HELZ: variants seen among roughly 807,000 people sequenced by gnomAD.
HELZ encodes the protein helicase with zinc finger.
HELZ carries 23 observed loss-of-function variants against 218.2 expected under a neutral mutation model. The ratio of observed to expected loss-of-function variants is 0.11; its 90% CI spans 0.08 to 0.15. The LOEUF is 0.15. Ranked by LOEUF, HELZ falls within the 10% of genes least tolerant of loss-of-function variation. HELZ has a pLI of 1.00. For synonymous variants in HELZ, 814 were observed against 829.4 expected, an observed-to-expected ratio of 0.98 and a Z score of 0.32; for missense variants, 1,813 against 2,353.7, an observed-to-expected ratio of 0.77 and a Z score of 4.75.
At chr17:67,103,428 T>C (rs1598221334) in intron 31 of HELZ, among the ~76,000 whole-genome samples, 1 of 152,150 alleles carries the variant, frequency 6.6e-6, no homozygotes. Flanking sequence ...CAATATATCA[T>C]CATGTGGTTA....
intron 13 of HELZ, 76 bp downstream of exon 13, chr17:67,178,583 C>A: frequency 8.1e-7 from 1 of 1,231,910 alleles, no homozygotes; most frequent in Non-Finnish European, 1.1e-6. Flanking sequence ...CACTTAGGCA[C>A]ACTTTCATTT....
chr17:67,174,108 A>C (rs771451055), intron 13 of HELZ, among the ~76,000 whole-genome samples: 1 of 152,144 alleles, frequency 6.6e-6, no homozygotes, highest in Non-Finnish European at 1.5e-5. Flanking sequence ...AACTTATATG[A>C]AATATAGTAT....
chr17:67,086,631 A>ATATATATAT lies in HELZ; in HGVS notation c.5494+197_5494+198insATATATATA, dbSNP rs1598183996. On this transcript the variant is annotated intron_variant, in intron 32 of 32. Transcript: ENST00000358691. ...ATATATATAAATAAATATAAATATA[A>ATATATATAT]ATATATATATATATATATATATATA... is the stretch of plus-strand genomic sequence containing the variant. Among the ~76,000 whole-genome samples, 30 of 93,288 alleles carry ATATATATAT rather than the reference A, an allele frequency of 3.2e-4. 1 individual carries two copies. The highest frequency in any genetic ancestry group is 6.7e-4 in the African/African-American group (14 of 20,780). 61.2% of individuals were successfully genotyped at this position (93,288 alleles called of 152,430 possible). A position where few individuals can be genotyped will look rare whatever the true frequency, so the allele number is the denominator to read the frequency against.
intron 31 of HELZ, among the ~76,000 whole-genome samples, chr17:67,104,931 C>G (rs2037053371): frequency 6.6e-6 from 1 of 152,034 alleles, no homozygotes; most frequent in South Asian, 2.1e-4. Context: ...CCAGCCTGGC[C>G]AATATCGTGA....
chr17:67,147,050 CCTTT>C (rs2144019746), intron 20 of HELZ, among the ~76,000 whole-genome samples: 1 of 152,166 alleles, frequency 6.6e-6, no homozygotes, highest in South Asian at 2.1e-4. Context: ...TTTGTCCCTC[CCTTT>C]CTTTCCTTTC....
At chr17:67,103,285 A>G (rs575906406) in intron 31 of HELZ, among the ~76,000 whole-genome samples, 2 of 152,300 alleles carry the variant, frequency 1.3e-5, no homozygotes, top group African/African-American at 2.4e-5. Flanking sequence ...AAAAGAAATA[A>G]AAGGCATTCA....
intron 13 of HELZ, among the ~76,000 whole-genome samples, chr17:67,171,954 C>T (rs911120806): frequency 6.6e-6 from 1 of 151,972 alleles, no homozygotes; most frequent in African/African-American, 2.4e-5. Context: ...GCTTCAGCCT[C>T]CCGAGTAGCT....
chr17:67,145,104 A>G (rs1187797040), intron 21 of HELZ, among the ~76,000 whole-genome samples: 1 of 152,144 alleles, frequency 6.6e-6, no homozygotes, highest in East Asian at 1.9e-4. Context: ...TGCCGCCCCT[A>G]ATGATATGCC....
chr17:67,214,750 C>G (rs2040551820), intron 5 of HELZ, among the ~76,000 whole-genome samples: 1 of 152,082 alleles, frequency 6.6e-6, no homozygotes, highest in African/African-American at 2.4e-5. Context: ...AACTCTTCTC[C>G]CACTCACTCC....
At chr17:67,172,350 C>A (rs1244941748) in intron 13 of HELZ, among the ~76,000 whole-genome samples, 1 of 152,168 alleles carries the variant, frequency 6.6e-6, no homozygotes, top group African/African-American at 2.4e-5. Flanking sequence ...GCCTCCACTA[C>A]TGGATTACAA....
intron 31 of HELZ, among the ~76,000 whole-genome samples, chr17:67,097,086 T>C (rs749911075): frequency 9.9e-5 from 15 of 152,182 alleles, no homozygotes; most frequent in Non-Finnish European, 1.3e-4. Flanking sequence ...CTGTTGTGTC[T>C]CAGGGAATAG....
chr17:67,118,019 T>C (rs1305199537), intron 27 of HELZ, among the ~76,000 whole-genome samples: 4 of 152,210 alleles, frequency 2.6e-5, no homozygotes, highest in Non-Finnish European at 4.4e-5. Context: ...GAAGGCTTTT[T>C]AGTAGGAATT....
In HELZ at chr17:67,157,863, C is replaced by A. The variant is rs1353124353; in HGVS notation, c.2177+2398G>T. Among the ~76,000 whole-genome samples, 3 of 152,106 alleles carry A rather than the reference C, an allele frequency of 2.0e-5. 1 individual carries two copies. In the South Asian group the frequency reaches 6.2e-4, roughly 32 times the overall value. On this transcript the variant is annotated intron_variant, in intron 17 of 32. Transcript: ENST00000358691. ...AATTACCTTCCATTTTCCCAGAAAG[C>A]AGGAAATACACCCCTCCATAGATGA... is the stretch of plus-strand genomic sequence containing the variant.
intron 14 of HELZ, among the ~76,000 whole-genome samples, chr17:67,167,057 T>G (rs887195983): frequency 6.6e-6 from 1 of 152,186 alleles, no homozygotes; most frequent in African/African-American, 2.4e-5. Context: ...AGTTTTATGT[T>G]TAAAAAGAGA....
At chr17:67,232,872 G>A (rs980074114) in intron 3 of HELZ, among the ~76,000 whole-genome samples, 17 of 152,060 alleles carry the variant, frequency 1.1e-4, no homozygotes, top group African/African-American at 3.1e-4. Context: ...AGTGGCTCAC[G>A]CCTGTAATCC....
At chr17:67,142,811 C>T (rs1400822338) in intron 21 of HELZ, among the ~76,000 whole-genome samples, 1 of 151,994 alleles carries the variant, frequency 6.6e-6, no homozygotes, top group Non-Finnish European at 1.5e-5. Context: ...GGCTACAGTG[C>T]GGTGGCACAA....
At chr17:67,154,480 A>G (rs1187495072) in intron 17 of HELZ, among the ~76,000 whole-genome samples, 1 of 152,102 alleles carries the variant, frequency 6.6e-6, no homozygotes, top group Non-Finnish European at 1.5e-5. Flanking sequence ...AATTCTTTTT[A>G]TTGTCTGATA....
At chr17:67,220,246 T>C (rs764458921) in intron 3 of HELZ, among the ~76,000 whole-genome samples, 7 of 152,108 alleles carry the variant, frequency 4.6e-5, no homozygotes, top group Admixed American at 6.6e-5. Flanking sequence ...AGAAAAGTCA[T>C]TGATGGGCAG....
chr17:67,197,724 A>T (rs751301095), intron 7 of HELZ, among the ~76,000 whole-genome samples: 1 of 152,210 alleles, frequency 6.6e-6, no homozygotes, highest in Admixed American at 6.5e-5. Context: ...ACGGGTCATA[A>T]CTGAAACAAT....
Sources: allele counts gnomAD v4.1 joint callset (sites outside exome capture counted in the v4.1 genomes callset), GRCh38; gene constraint gnomAD v4.1.1; transcripts MANE v1.5; gene names NCBI Gene and HGNC (gene_info 2026-07-23, HGNC 2026-07-21).